Variants in PTPRD observed in about 807,000 individuals in gnomAD.
PTPRD encodes receptor-type tyrosine-protein phosphatase delta.
In PTPRD, 34 loss-of-function variants were observed where a neutral mutation model predicts 214.5. That is an observed-to-expected ratio of 0.16 (90% CI 0.12 to 0.21). The LOEUF is 0.21. Among genes scored for constraint, PTPRD ranks in the 10% least tolerant of loss-of-function variants. The probability of loss-of-function intolerance (pLI) is 1.00; values close to 1 mark genes in which losing one functional copy is unlikely to be tolerated. For missense variants in PTPRD, 2,545 were observed against 2,398.7 expected (o/e 1.06, Z -1.27); for synonymous variants, 1,128 against 845.7 (o/e 1.33, Z -5.79).
chr9:10,131,368 T>A (rs187858720), intron 3 of PTPRD, among the ~76,000 whole-genome samples: 1 of 152,232 alleles, frequency 6.6e-6, no homozygotes, highest in Non-Finnish European at 1.5e-5. Flanking sequence ...AGTGCACTAT[T>A]TCAACAAAGT....
intron 7 of PTPRD, among the ~76,000 whole-genome samples, chr9:9,602,041 G>T (rs907604971): frequency 6.6e-6 from 1 of 151,984 alleles, no homozygotes; most frequent in Non-Finnish European, 1.5e-5. Context: ...GTAGGCAGAT[G>T]ATCTACTGGT....
intron 5 of PTPRD, among the ~76,000 whole-genome samples, chr9:9,831,357 T>A (rs2054771034): frequency 6.6e-6 from 1 of 151,926 alleles, no homozygotes; most frequent in African/African-American, 2.4e-5. Context: ...TAAATCCTAT[T>A]ACTTATGATT....
At chr9:8,833,687 C>CCTCTCT (rs146738870) in intron 11 of PTPRD, among the ~76,000 whole-genome samples, 2,013 of 124,830 alleles carry the variant, frequency 0.016, 28 homozygotes, top group Middle Eastern at 0.09. Flanking sequence ...AAAACTCTCT[C>CCTCTCT]CTCTCTCTCT....
intron 39 of PTPRD, among the ~76,000 whole-genome samples, chr9:8,357,576 G>T (rs1294122496): frequency 6.6e-6 from 1 of 152,194 alleles, no homozygotes; most frequent in Non-Finnish European, 1.5e-5. Context: ...GAAATGGAGA[G>T]AATGTGGTGA....
rs1378347399 is a variant in PTPRD at position 9,434,127 on chromosome 9, C to G, written c.-236-36645G>C. ...GAATGTGATCAACAAATGGCTTTAC[C>G]TATTGTAATATGAGTCCTAGAGTAA... is the stretch of plus-strand genomic sequence containing the variant. On this transcript the variant is annotated intron_variant, in intron 8 of 45. Transcript: ENST00000381196. 5.3e-5 allele frequency among the ~76,000 whole-genome samples: 8 copies of G among 152,182 alleles called. No homozygotes were observed. In the South Asian group the frequency reaches 1.0e-3, roughly 20 times the overall value.
chr9:9,547,018 T>C (rs916841505), intron 8 of PTPRD, among the ~76,000 whole-genome samples: 2 of 151,440 alleles, frequency 1.3e-5, no homozygotes, highest in African/African-American at 4.8e-5. Context: ...TAAAACCTAA[T>C]AGAGCAGGGG....
chr9:9,694,267 G>T (rs1290450034), intron 7 of PTPRD, among the ~76,000 whole-genome samples: 1 of 151,574 alleles, frequency 6.6e-6, no homozygotes, highest in Non-Finnish European at 1.5e-5. Flanking sequence ...TATGCAAAGG[G>T]TCTTGAACCC....
chr9:9,683,825 T>C (rs1441179294), intron 7 of PTPRD, among the ~76,000 whole-genome samples: 1 of 151,814 alleles, frequency 6.6e-6, no homozygotes, highest in Non-Finnish European at 1.5e-5. Context: ...CGAATTGATA[T>C]TTATAATCAG....
At chr9:8,987,150 A>G (rs973988576) in intron 11 of PTPRD, among the ~76,000 whole-genome samples, 1 of 152,106 alleles carries the variant, frequency 6.6e-6, no homozygotes, top group African/African-American at 2.4e-5. Context: ...ATTTACTAAA[A>G]GGACTATCAC....
At chr9:9,706,616 T>G (rs980832754) in intron 7 of PTPRD, among the ~76,000 whole-genome samples, 1 of 152,004 alleles carries the variant, frequency 6.6e-6, no homozygotes, top group African/African-American at 2.4e-5. Context: ...TTTTTTGTAT[T>G]TTTAGTAGAG....
At chr9:8,960,424 T>C (rs1268891791) in intron 11 of PTPRD, among the ~76,000 whole-genome samples, 1 of 152,102 alleles carries the variant, frequency 6.6e-6, no homozygotes, top group Non-Finnish European at 1.5e-5. Context: ...GGACGTGTAC[T>C]AGGACATTGT....
intron 9 of PTPRD, among the ~76,000 whole-genome samples, chr9:9,257,028 C>G (rs939510434): frequency 6.6e-6 from 1 of 151,982 alleles, no homozygotes; most frequent in South Asian, 2.1e-4. Context: ...CTCTTTCTCT[C>G]TCTGTGTCTT....
chr9:10,574,832 A>ATATATC (rs147563782), intron 2 of PTPRD, among the ~76,000 whole-genome samples: 3 of 148,722 alleles, frequency 2.0e-5, no homozygotes, highest in South Asian at 2.1e-4. Context: ...ATATATATAT[A>ATATATC]TCTTAGATTC....
chr9:10,414,299 A>C (rs1257074393), intron 2 of PTPRD, among the ~76,000 whole-genome samples: 1 of 152,048 alleles, frequency 6.6e-6, no homozygotes, highest in East Asian at 1.9e-4. Flanking sequence ...AACACTTTTC[A>C]AAAGAAGACA....
Position 8,935,179 on chromosome 9 carries a change from T to G in PTPRD, c.-104+83518A>C, listed in dbSNP as rs551482629. 3.9e-5 allele frequency among the ~76,000 whole-genome samples: 6 copies of G among 152,276 alleles called. No individual in the cohort carries two copies. The South Asian group carries it at 1.2e-3, about 32-fold the overall frequency. ...AAGTAAAATTGCCTCTGTTTGCATA[T>G]GACACCATCTTACATATAGAATACC... On this transcript the variant is annotated intron_variant, in intron 11 of 45. Transcript: ENST00000381196.
chr9:10,053,410 T>G (rs2097568262), intron 3 of PTPRD, among the ~76,000 whole-genome samples: 1 of 152,146 alleles, frequency 6.6e-6, no homozygotes, highest in African/African-American at 2.4e-5. Context: ...TGAGGGAACT[T>G]GACTGAGGCA....
At chr9:10,266,342 G>T (rs948341451) in intron 3 of PTPRD, among the ~76,000 whole-genome samples, 13 of 152,118 alleles carry the variant, frequency 8.5e-5, no homozygotes, top group Admixed American at 7.9e-4. Flanking sequence ...ATTTTTAAAT[G>T]TAGCCCTTCA....
At chr9:9,930,241 A>G (rs1393368658) in intron 5 of PTPRD, among the ~76,000 whole-genome samples, 1 of 152,148 alleles carries the variant, frequency 6.6e-6, no homozygotes, top group Admixed American at 6.5e-5. Flanking sequence ...ACACAATTAG[A>G]GTGTGCCTTT....
At chr9:8,358,211 T>A (rs1490542322) in intron 39 of PTPRD, among the ~76,000 whole-genome samples, 1 of 152,118 alleles carries the variant, frequency 6.6e-6, no homozygotes, top group Non-Finnish European at 1.5e-5. Flanking sequence ...AGTTACAGCC[T>A]GGGGAAGAAA....
Sources: allele counts gnomAD v4.1 joint callset (sites outside exome capture counted in the v4.1 genomes callset), GRCh38; gene constraint gnomAD v4.1.1; transcripts MANE v1.5; gene names NCBI Gene and HGNC (gene_info 2026-07-23, HGNC 2026-07-21).